The following SPAG6 variants were observed in gnomAD, a reference collection of about 807,000 sequenced individuals.
The protein encoded by SPAG6 is sperm associated antigen 6.
In SPAG6, 49 loss-of-function variants were observed where a neutral mutation model predicts 58.5. The observed-to-expected ratio is 0.84, with a 90% confidence interval of 0.67 to 1.06. The LOEUF is 1.06. Among genes scored for constraint, SPAG6 ranks in the 50% least tolerant of loss-of-function variants. The pLI is 0.00. For missense variants in SPAG6, 560 were observed against 611.3 expected (o/e 0.92, Z 0.89); for synonymous variants, 233 against 225.6 (o/e 1.03, Z -0.29).
chr10:22,394,442 C>T (rs1834247568), intron 8 of SPAG6, among the ~76,000 whole-genome samples: 1 of 152,166 alleles, frequency 6.6e-6, no homozygotes, highest in Non-Finnish European at 1.5e-5. Context: ...GTTCCCCCTT[C>T]ATTTTTTAGC....
rs75598732 is a variant in SPAG6 at position 22,401,855 on chromosome 10, A to G, written c.1314+578A>G. 9.1e-3 allele frequency among the ~76,000 whole-genome samples: 1,392 copies of G among 152,348 alleles called. 21 individuals carry two copies. The highest frequency in any genetic ancestry group is 0.032 in the African/African-American group (1,338 of 41,574). On this transcript the variant is annotated intron_variant, in intron 9 of 10. Transcript: ENST00000376624. ...ACAGCCAGCAGAGCTGATTACCAAT[A>G]GCAAAGGATAAAAGAGAATGACTCT...
At chr10:22,384,926 T>C (rs1476415154) in intron 4 of SPAG6, among the ~76,000 whole-genome samples, 1 of 152,208 alleles carries the variant, frequency 6.6e-6, no homozygotes, top group Admixed American at 6.6e-5. Flanking sequence ...TCTTGAGTTT[T>C]TGTTAATAGT....
chr10:22,415,058 A>AC (rs1231624476), intron 10 of SPAG6, among the ~76,000 whole-genome samples: 3 of 151,962 alleles, frequency 2.0e-5, no homozygotes, highest in Non-Finnish European at 4.4e-5. Context: ...GGGCCACTGC[A>AC]CCCGGCCCAT....
intron 4 of SPAG6, among the ~76,000 whole-genome samples, chr10:22,374,246 A>G (rs997973665): frequency 6.6e-6 from 1 of 152,206 alleles, no homozygotes; most frequent in Non-Finnish European, 1.5e-5. Context: ...GGTAATCATC[A>G]AAATGTACTT....
At chr10:22,413,066 C>CAAAAAAAAAAAAAAAAAAAAAAA (rs775680159) in intron 10 of SPAG6, 3 of 43,316 alleles carry the variant, frequency 6.9e-5, no homozygotes, top group African/African-American at 1.7e-4. Context: ...CAGAAAGATG[C>CAAAAAAAAAAAAAAAAAAAAAAA]AAAAAAAAAA....
At chr10:22,360,169 C>A (rs1284043168) in intron 2 of SPAG6, among the ~76,000 whole-genome samples, 2 of 152,032 alleles carry the variant, frequency 1.3e-5, no homozygotes, top group South Asian at 4.1e-4. Context: ...AGTTTCTTGA[C>A]AGTAGGTGTC....
chr10:22,397,916 GAA>G (rs1834333275), intron 8 of SPAG6, among the ~76,000 whole-genome samples: 1 of 151,852 alleles, frequency 6.6e-6, no homozygotes. Flanking sequence ...AAGCTTATCT[GAA>G]AATTCATGTG....
chr10:22,407,134 T>G (rs1834578436), intron 9 of SPAG6, among the ~76,000 whole-genome samples: 2 of 151,340 alleles, frequency 1.3e-5, no homozygotes, highest in African/African-American at 2.5e-5. Context: ...TTAGTCCATT[T>G]ACATTTAAAG....
chr10:22,345,693 G>A lies in SPAG6; in HGVS notation c.26-30G>A. On this transcript the variant is annotated intron_variant, in intron 1 of 10. Coordinates refer to ENST00000376624, the MANE Select transcript of SPAG6 (RefSeq NM_012443.4). This position sits in a 1 kb window ranked among gnomAD's most constrained non-coding sequence, Gnocchi z 6.3. ...GCTGGCGCCGAGGAGACCCGGGTGC[G>A]GTGGGCTCCACCGACTCTCTCTCCC... The A allele has an allele frequency of 1.3e-6, 2 of 1,597,054 alleles. No individual in the cohort carries two copies. Among genetic ancestry groups the A allele is most frequent in the Non-Finnish European group, 1.7e-6 (2 of 1,172,414 alleles).
intron 4 of SPAG6, among the ~76,000 whole-genome samples, chr10:22,378,273 A>C (rs1406992468): frequency 1.3e-5 from 2 of 151,898 alleles, no homozygotes; most frequent in Non-Finnish European, 2.9e-5. Context: ...TATGTTGGCC[A>C]GGTTAGTCTT....
intron 4 of SPAG6, among the ~76,000 whole-genome samples, chr10:22,378,713 G>T (rs996440844): frequency 6.6e-6 from 1 of 152,052 alleles, no homozygotes; most frequent in Non-Finnish European, 1.5e-5. Context: ...AATTTCCTCA[G>T]CCTATTGTTG....
intron 8 of SPAG6, among the ~76,000 whole-genome samples, chr10:22,397,788 A>G (rs919601988): frequency 1.3e-5 from 2 of 152,160 alleles, no homozygotes; most frequent in Admixed American, 1.3e-4. Flanking sequence ...GAGACATTCC[A>G]TGTTCATGGA....
chr10:22,374,775 CA>C (rs932175331), intron 4 of SPAG6, among the ~76,000 whole-genome samples: 287 of 136,482 alleles, frequency 2.1e-3, no homozygotes, highest in East Asian at 6.1e-3. Context: ...GACCCTGTCT[CA>C]AAAAAAAAAA....
At chr10:22,401,301 G>A in intron 9 of SPAG6, 24 bp downstream of exon 9, 1 of 1,116,698 alleles carries the variant, frequency 9.0e-7, no homozygotes, top group East Asian at 2.4e-5. Context: ...GCCTCTAAGG[G>A]GAGGAAGAAA....
chr10:22,412,413 A>C (rs1834763348), intron 10 of SPAG6: 1 of 1,217,870 alleles, frequency 8.2e-7, no homozygotes, highest in African/African-American at 1.5e-5. Context: ...TTAAGATTAA[A>C]ATTTGTTTTC....
rs750251323 is a variant in SPAG6, at chr10:22,387,826, CAGATCCTT to C, written c.683_690del (p.Gln228LeufsTer19). 2.5e-6 allele frequency: 4 copies of C among 1,605,486 alleles called. No individual in the cohort carries two copies. In the South Asian group the frequency reaches 4.5e-5, roughly 18 times the overall value. ...TTGTTTTTTTTTTGCTTCACAGCAT[CAGATCCTT>C]TCAGCTCTCAGTCAGGTTTCAAAAC... is the stretch of plus-strand genomic sequence containing the variant. On this transcript the variant is annotated frameshift_variant, in exon 6 of 11. Transcript: ENST00000376624. LOFTEE classifies it high-confidence loss of function.
At chr10:22,368,433 T>C in intron 3 of SPAG6, 62 bp from the exon 4 acceptor site, 1 of 1,385,628 alleles carries the variant, frequency 7.2e-7, no homozygotes, top group African/African-American at 1.4e-5. Context: ...TTTGGTCTAT[T>C]TTAGATTTTG....
At chr10:22,415,095 G>T (rs1205033355) in intron 10 of SPAG6, among the ~76,000 whole-genome samples, 1 of 152,050 alleles carries the variant, frequency 6.6e-6, no homozygotes, top group African/African-American at 2.4e-5. Context: ...GTCCTCAGTA[G>T]CTGGTGGCTC....
chr10:22,391,799 C>A lies in SPAG6; in HGVS notation c.1076C>A (p.Ala359Asp). The A allele has an allele frequency of 2.5e-6, 4 of 1,613,522 alleles. No homozygotes were observed. Among genetic ancestry groups the A allele is most frequent in the Non-Finnish European group, 3.4e-6 (4 of 1,179,706 alleles). ...EDHIKAAAAW[A>D]LGQIGRHTPE... ...CATATTAAGGCTGCAGCTGCTTGGG[C>A]CTTAGGACAGATTGGAAGACACACT... The change falls in exon 8 of 11, where the codon GCC (alanine) becomes GAC (aspartate). Residue 359 changes from alanine to aspartate, a missense_variant. Transcript: ENST00000376624.
Sources: allele counts gnomAD v4.1 joint callset (sites outside exome capture counted in the v4.1 genomes callset), GRCh38; gene constraint gnomAD v4.1.1; non-coding constraint Gnocchi (gnomAD v3.1); transcripts MANE v1.5; gene names NCBI Gene and HGNC (gene_info 2026-07-23, HGNC 2026-07-21).